PRLR: variants seen among roughly 807,000 people sequenced by gnomAD.
PRLR encodes prolactin receptor, also known as hPRL receptor.
PRLR carries 13 observed loss-of-function variants against 40.2 expected under a neutral mutation model. The observed-to-expected ratio is 0.32, with a 90% CI of 0.21 to 0.51. PRLR has a LOEUF of 0.51. PRLR is among the 20% of genes least tolerant of loss of function. PRLR has a pLI of 0.97. For synonymous variants in PRLR, 269 were observed against 278.7 expected (o/e 0.97, Z 0.35); for missense variants, 656 against 747.3 (o/e 0.88, Z 1.42).
chr5:35,211,334 C>G (rs1369376742), intron 1 of PRLR, among the ~76,000 whole-genome samples: 1 of 152,134 alleles, frequency 6.6e-6, no homozygotes, highest in African/African-American at 2.4e-5. Flanking sequence ...TGTGACCAAC[C>G]TGGAACACCA....
rs1305032168 is a variant in PRLR at position 35,139,457 on chromosome 5, T to C, written c.-105-21335A>G. Among the ~76,000 whole-genome samples, 4 of 152,118 alleles carry C rather than the reference T, an allele frequency of 2.6e-5. No individual in the cohort carries two copies. In the East Asian group the frequency reaches 7.7e-4, roughly 29 times the overall value. On this transcript the variant is annotated intron_variant, in intron 1 of 9. Transcript: ENST00000618457. ...CAACAAGTGCTAATAATAAAATGAA[T>C]CCTGGTCAACAATTATAAACAAAGA... is the stretch of plus-strand genomic sequence containing the variant.
intron 2 of PRLR, among the ~76,000 whole-genome samples, chr5:35,115,926 T>TC (rs1230879736): frequency 9.9e-5 from 15 of 151,992 alleles, no homozygotes; most frequent in South Asian, 4.2e-4. Context: ...TTAAGGAGGG[T>TC]CCCCCCCTCT....
chr5:35,191,529 G>A (rs1775607618), intron 1 of PRLR, among the ~76,000 whole-genome samples: 1 of 152,174 alleles, frequency 6.6e-6, no homozygotes, highest in African/African-American at 2.4e-5. Context: ...CATGTCATCT[G>A]TCTTGTCCCC....
downstream of PRLR, among the ~76,000 whole-genome samples, chr5:35,055,501 C>T (rs1240657980): frequency 6.6e-6 from 1 of 151,956 alleles, no homozygotes; most frequent in Admixed American, 6.6e-5. Context: ...AAAAAAATGC[C>T]ATGGGTGAGT....
intron 5 of PRLR, among the ~76,000 whole-genome samples, chr5:35,082,501 A>G (rs1770584846): frequency 6.6e-6 from 1 of 150,456 alleles, no homozygotes; most frequent in African/African-American, 2.5e-5. Flanking sequence ...GGCTTTATGC[A>G]CCACATACAA....
chr5:35,083,448 CTG>C (rs144426701), intron 5 of PRLR, among the ~76,000 whole-genome samples: 3,572 of 143,980 alleles, frequency 0.025, 106 homozygotes, highest in African/African-American at 0.073. Flanking sequence ...TCCTCTCTCT[CTG>C]TGTGTGTGTG....
intron 1 of PRLR, among the ~76,000 whole-genome samples, chr5:35,134,232 G>T (rs1055889078): frequency 2.6e-5 from 4 of 152,180 alleles, no homozygotes; most frequent in South Asian, 2.1e-4. Flanking sequence ...AAGAGGAAAA[G>T]AAATCAGGAA....
intron 2 of PRLR, among the ~76,000 whole-genome samples, chr5:35,099,834 T>C (rs186246349): frequency 2.0e-5 from 3 of 152,216 alleles, no homozygotes; most frequent in Admixed American, 1.3e-4. Flanking sequence ...AAGGAAAATG[T>C]TTCTGTACAG....
chr5:35,074,462 CA>C lies in PRLR; in HGVS notation c.374-1719del, dbSNP rs1160429172. Among the ~76,000 whole-genome samples the C allele has an allele frequency of 9.6e-3, 1,217 of 126,828 alleles. 16 individuals are homozygous for C. Among genetic ancestry groups the C allele is most frequent in the African/African-American group, 0.032 (1,030 of 32,414 alleles). 83.2% of individuals were successfully genotyped at this position (126,828 alleles called of 152,430 possible). On this transcript the variant is annotated intron_variant, in intron 5 of 9. Coordinates refer to ENST00000618457, the MANE Select transcript of PRLR (RefSeq NM_000949.7). Reference sequence around the variant, plus strand: ...GGGTGACAAGAGCGAAACTCCATTTCAAAAAAAAAAATGTGGAACAGCTACA... The same window carrying C: ...GGGTGACAAGAGCGAAACTCCATTTCAAAAAAAAAATGTGGAACAGCTACA...
chr5:35,139,147 T>G lies in PRLR; in HGVS notation c.-105-21025A>C, dbSNP rs936667540. Reference sequence around the variant, plus strand: ...GCCCTATAATTTTATTTTCTTTTTATTTTTTGAGATGGAGTCTCACTCTGT... The same window carrying G: ...GCCCTATAATTTTATTTTCTTTTTAGTTTTTGAGATGGAGTCTCACTCTGT... On this transcript the variant is annotated intron_variant, in intron 1 of 9. Transcript: ENST00000618457. 3.9e-5 allele frequency among the ~76,000 whole-genome samples: 6 copies of G among 152,318 alleles called. No homozygotes were observed. In the East Asian group the frequency reaches 1.2e-3, roughly 29 times the overall value.
At chr5:35,147,185 G>A (rs1208893818) in intron 1 of PRLR, among the ~76,000 whole-genome samples, 1 of 152,184 alleles carries the variant, frequency 6.6e-6, no homozygotes, top group Admixed American at 6.6e-5. Context: ...AGAAAGGACA[G>A]CAAAGATTTA....
chr5:35,123,977 G>A (rs1176256359), intron 1 of PRLR, among the ~76,000 whole-genome samples: 3 of 152,144 alleles, frequency 2.0e-5, no homozygotes, highest in Admixed American at 2.0e-4. Context: ...CAGAGCTGGG[G>A]GAAGATGTCA....
intron 1 of PRLR, among the ~76,000 whole-genome samples, chr5:35,221,526 G>C (rs745995838): frequency 1.8e-4 from 27 of 152,294 alleles, no homozygotes; most frequent in Admixed American, 6.5e-4. Context: ...TCTGGGCCAT[G>C]AGACTCTAAA....
chr5:35,100,340 T>C (rs907201266), intron 2 of PRLR, among the ~76,000 whole-genome samples: 15 of 152,176 alleles, frequency 9.9e-5, no homozygotes, highest in African/African-American at 3.4e-4. Context: ...TAGTGTACAG[T>C]AATGACCCAG....
intron 1 of PRLR, among the ~76,000 whole-genome samples, chr5:35,120,813 G>A (rs1292694743): frequency 6.6e-6 from 1 of 152,148 alleles, no homozygotes; most frequent in Admixed American, 6.5e-5. Context: ...TCCAAATTCT[G>A]TCACATAAAG....
chr5:35,107,936 G>A (rs1772380541), intron 2 of PRLR, among the ~76,000 whole-genome samples: 1 of 152,130 alleles, frequency 6.6e-6, no homozygotes, highest in Non-Finnish European at 1.5e-5. Context: ...GAGAATTTTA[G>A]ACCAATATCC....
rs191213961 is a variant in PRLR, at chr5:35,063,559, C to T, written c.*1530G>A. 1 of 152,308 alleles carries T rather than the reference C, an allele frequency of 6.6e-6. No individual in the cohort carries two copies. The highest frequency in any genetic ancestry group is 2.4e-5 in the African/African-American group (1 of 41,558). The allele number at this position is 152,308 out of a possible 1,614,324, so 9.4% of individuals were successfully genotyped here. On this transcript the variant is annotated 3_prime_UTR_variant, in exon 10 of 10. Coordinates refer to ENST00000618457, the MANE Select transcript of PRLR (RefSeq NM_000949.7). Reference sequence around the variant, plus strand: ...CCTTACTCTGACCTTTGGAGCTATTCCCATTGCTCTGGGAAGCAAATACCT... The same window carrying T: ...CCTTACTCTGACCTTTGGAGCTATTTCCATTGCTCTGGGAAGCAAATACCT...
chr5:35,093,813 T>A (rs1387364668), intron 2 of PRLR, among the ~76,000 whole-genome samples: 4 of 152,234 alleles, frequency 2.6e-5, no homozygotes. Flanking sequence ...TGTTTACTGT[T>A]CTTTTTCTAT....
intron 1 of PRLR, among the ~76,000 whole-genome samples, chr5:35,217,572 G>A (rs777614629): frequency 1.4e-4 from 21 of 152,264 alleles, no homozygotes; most frequent in Admixed American, 3.3e-4. Context: ...AGCATCTTGC[G>A]TGTGAGATAA....
Sources: allele counts gnomAD v4.1 joint callset (sites outside exome capture counted in the v4.1 genomes callset), GRCh38; gene constraint gnomAD v4.1.1; transcripts MANE v1.5; gene names NCBI Gene and HGNC (gene_info 2026-07-23, HGNC 2026-07-21).